The following MPPED1 variants were observed in gnomAD, a reference collection of about 807,000 sequenced individuals.
MPPED1 encodes metallophosphoesterase domain-containing protein 1.
MPPED1 carries 16 observed loss-of-function variants against 36.2 expected under a neutral mutation model. The ratio of observed to expected loss-of-function variants is 0.44; its 90% CI spans 0.30 to 0.67. The LOEUF (loss-of-function observed/expected upper bound fraction) is 0.67, where lower values mean the gene tolerates loss of function less well. MPPED1 is among the 30% of genes least tolerant of loss of function. The pLI is 0.10. For synonymous variants in MPPED1, 199 were observed against 191.3 expected, an observed-to-expected ratio of 1.04 and a Z score of -0.33; for missense variants, 307 against 453.4, an observed-to-expected ratio of 0.68 and a Z score of 2.93.
chr22:43,418,182 C>T (rs1316343420), intron 1 of MPPED1: 1 of 456,068 alleles, frequency 2.2e-6, no homozygotes, highest in Non-Finnish European at 4.4e-6. Context: ...CCTTTTCCTT[C>T]CAAACGAGAG....
chr22:43,434,921 A>G, intron 2 of MPPED1, 113 bp from the exon 3 acceptor site: 1 of 1,167,284 alleles, frequency 8.6e-7, no homozygotes, highest in South Asian at 1.4e-5. Context: ...GGTCTGGTGG[A>G]TCTGAGCGGG....
chr22:43,455,003 G>T (rs1211802061), intron 3 of MPPED1, among the ~76,000 whole-genome samples: 1 of 152,132 alleles, frequency 6.6e-6, no homozygotes, highest in Non-Finnish European at 1.5e-5. Flanking sequence ...CAGAATCTGA[G>T]GTTGAGATAT....
chr22:43,484,705 G>A (rs556915488), intron 4 of MPPED1, among the ~76,000 whole-genome samples: 333 of 152,270 alleles, frequency 2.2e-3, no homozygotes, highest in African/African-American at 7.8e-3. Context: ...ATCAAGTCAG[G>A]AATTGCCCCA....
At chr22:43,470,005 A>C (rs1358942779) in intron 3 of MPPED1, among the ~76,000 whole-genome samples, 2 of 151,468 alleles carry the variant, frequency 1.3e-5, no homozygotes, top group Non-Finnish European at 2.9e-5. Context: ...ACCCATCTAT[A>C]AACCATCCAT....
At chr22:43,424,809 T>TC (rs201057098) in intron 1 of MPPED1, 99 bp from the exon 2 acceptor site, 1 of 1,397,192 alleles carries the variant, frequency 7.2e-7, no homozygotes, top group South Asian at 1.5e-5. Context: ...TTTTTTCCTC[T>TC]CCCCCCGCCC....
At chr22:43,427,881 A>G (rs1929534194) in intron 2 of MPPED1, among the ~76,000 whole-genome samples, 1 of 152,092 alleles carries the variant, frequency 6.6e-6, no homozygotes, top group South Asian at 2.1e-4. Context: ...ACACTAGTCC[A>G]TGCATTCTCA....
chr22:43,465,554 G>A (rs1375677095), intron 3 of MPPED1, among the ~76,000 whole-genome samples: 1 of 152,210 alleles, frequency 6.6e-6, no homozygotes, highest in Non-Finnish European at 1.5e-5. Flanking sequence ...GGCTCCCAGG[G>A]TGCTGGGGAA....
At chr22:43,454,738 A>G (rs549209154) in intron 3 of MPPED1, among the ~76,000 whole-genome samples, 1 of 152,132 alleles carries the variant, frequency 6.6e-6, no homozygotes, top group African/African-American at 2.4e-5. Context: ...TTTAGTAGAG[A>G]TGGGGTTTTG....
intron 5 of MPPED1, among the ~76,000 whole-genome samples, chr22:43,499,542 TGGTG>T (rs1403002821): frequency 1.0e-5 from 1 of 95,978 alleles, no homozygotes; most frequent in Middle Eastern, 7.6e-3. Flanking sequence ...GTGGTGGTGA[TGGTG>T]GGTGGTGGTG....
chr22:43,471,428 G>A (rs753032212), intron 3 of MPPED1, among the ~76,000 whole-genome samples: 2 of 152,246 alleles, frequency 1.3e-5, no homozygotes, highest in Non-Finnish European at 2.9e-5. Context: ...CCGTCTAGAG[G>A]GGTGGGGTCA....
chr22:43,437,789 T>C (rs1257776767), intron 3 of MPPED1, among the ~76,000 whole-genome samples: 2 of 152,172 alleles, frequency 1.3e-5, no homozygotes, highest in Non-Finnish European at 2.9e-5. Context: ...ATACCTGTTA[T>C]GATTGCCCCC....
At chr22:43,442,461 C>T (rs189592856) in intron 3 of MPPED1, among the ~76,000 whole-genome samples, 26 of 152,260 alleles carry the variant, frequency 1.7e-4, no homozygotes, top group Admixed American at 1.2e-3. Context: ...GTGGGCATCC[C>T]CCGTAATAGA....
chr22:43,412,158 G>C lies in MPPED1; in HGVS notation c.-79G>C. 1.0e-6 allele frequency: 1 copy of C among 980,026 alleles called. No homozygotes were observed. The highest frequency in any genetic ancestry group is 1.2e-6 in the Non-Finnish European group (1 of 827,652). The allele number at this position is 980,026 out of a possible 1,614,324, so 60.7% of individuals were successfully genotyped here. On this transcript the variant is annotated splice_region_variant and 5_prime_UTR_variant, in exon 1 of 7. Coordinates refer to ENST00000443721, the MANE Select transcript of MPPED1 (RefSeq NM_001044370.2). ...GCCGCCGAAGAGGAGCCCGGGGCCA[G>C]GTAGGACCGGAGGCGGGCGGGGCGC...
At chr22:43,432,395 ACGGAG>A (rs1929732126) in intron 2 of MPPED1, among the ~76,000 whole-genome samples, 4 of 121,536 alleles carry the variant, frequency 3.3e-5, no homozygotes, top group African/African-American at 9.9e-5. Flanking sequence ...AGAGAGAGAA[ACGGAG>A]GAGAGAGAGA....
At chr22:43,420,518 C>T (rs961112637) in intron 1 of MPPED1, among the ~76,000 whole-genome samples, 2 of 152,062 alleles carry the variant, frequency 1.3e-5, no homozygotes, top group Admixed American at 6.5e-5. Flanking sequence ...GATTCTTCTA[C>T]CTCACCCTCC....
chr22:43,490,800 C>A (rs1222009097), intron 4 of MPPED1, among the ~76,000 whole-genome samples: 1 of 152,204 alleles, frequency 6.6e-6, no homozygotes, highest in Non-Finnish European at 1.5e-5. Flanking sequence ...GCCACTGAGT[C>A]CTTCCCAGAA....
chr22:43,414,554 C>G (rs1310438910), intron 1 of MPPED1, among the ~76,000 whole-genome samples: 2 of 152,130 alleles, frequency 1.3e-5, no homozygotes, highest in Non-Finnish European at 2.9e-5. Flanking sequence ...AATTAATCAG[C>G]CAGGCAAAGA....
chr22:43,435,313 C>T, intron 3 of MPPED1, 98 bp downstream of exon 3: 2 of 1,350,506 alleles, frequency 1.5e-6, no homozygotes, highest in Non-Finnish European at 2.0e-6. Flanking sequence ...TCCTGCGCTG[C>T]CCGGGCCCCC....
chr22:43,422,634 C>T (rs1445984132), intron 1 of MPPED1, among the ~76,000 whole-genome samples: 1 of 152,156 alleles, frequency 6.6e-6, no homozygotes, highest in African/African-American at 2.4e-5. Flanking sequence ...TCGCACTTGA[C>T]ACCCTCGTAC....
Sources: gnomAD v4.1 joint callset for allele counts (sites outside exome capture counted in the v4.1 genomes callset) on GRCh38, gnomAD v4.1.1 for gene constraint, MANE v1.5 for transcripts, NCBI Gene and HGNC (gene_info 2026-07-23, HGNC 2026-07-21) for gene names.